The following SGCZ variants were observed in gnomAD, a reference collection of about 807,000 sequenced individuals.
SGCZ encodes sarcoglycan zeta, also known as zeta-sarcoglycan.
In SGCZ, 40 loss-of-function variants were observed where a neutral mutation model predicts 41.3. That is an observed-to-expected ratio of 0.97 (90% CI 0.75 to 1.26). The LOEUF is 1.26. Ranked by LOEUF, SGCZ falls within the 50% of genes most tolerant of loss-of-function variation. The pLI is 0.00. For missense variants in SGCZ, 552 were observed against 369.8 expected (o/e 1.49, Z -4.04); for synonymous variants, 206 against 137.5 (o/e 1.50, Z -3.49).
At chr8:14,974,111 A>G (rs1327199080) in intron 1 of SGCZ, among the ~76,000 whole-genome samples, 1 of 152,210 alleles carries the variant, frequency 6.6e-6, no homozygotes, top group Non-Finnish European at 1.5e-5. Context: ...GACACTGTGC[A>G]AAATCAGCTT....
chr8:14,818,601 A>C (rs1345932137), intron 1 of SGCZ, among the ~76,000 whole-genome samples: 1 of 152,190 alleles, frequency 6.6e-6, no homozygotes, highest in African/African-American at 2.4e-5. Context: ...GGACATTTAC[A>C]GAATATCTGA....
At position 14,458,102 on chromosome 8, in the gene SGCZ, A is replaced by G. The variant is rs181610957; in HGVS notation, c.234+96630T>C. Among the ~76,000 whole-genome samples, 4 of 152,324 alleles carry G rather than the reference A, an allele frequency of 2.6e-5. No individual in the cohort carries two copies. In the East Asian group the frequency reaches 7.7e-4, roughly 29 times the overall value. ...TTTCTTTCTAGCAATGTGAGAAAAGACTAGTACAATGTGTTTGTATAGTTA... is the reference window on the plus strand; with the variant it reads ...TTTCTTTCTAGCAATGTGAGAAAAGGCTAGTACAATGTGTTTGTATAGTTA... On this transcript the variant is annotated intron_variant, in intron 2 of 7. Transcript: ENST00000382080.
At chr8:14,270,588 A>G (rs1800024663) in intron 3 of SGCZ, among the ~76,000 whole-genome samples, 1 of 152,146 alleles carries the variant, frequency 6.6e-6, no homozygotes, top group Non-Finnish European at 1.5e-5. Context: ...TATATCTGGG[A>G]GCTATAACAG....
chr8:14,394,103 T>C (rs916780097), intron 2 of SGCZ, among the ~76,000 whole-genome samples: 2 of 151,548 alleles, frequency 1.3e-5, no homozygotes, highest in Admixed American at 6.6e-5. Context: ...ACTACTGCTG[T>C]GTCCTGAACT....
chr8:15,205,037 A>G (rs1432170412), intron 1 of SGCZ, among the ~76,000 whole-genome samples: 2 of 152,338 alleles, frequency 1.3e-5, no homozygotes, highest in African/African-American at 2.4e-5. Flanking sequence ...ATGAAAATTC[A>G]ATTCTAAAAA....
chr8:14,214,271 G>A (rs554860113), intron 4 of SGCZ, among the ~76,000 whole-genome samples: 1 of 152,166 alleles, frequency 6.6e-6, no homozygotes, highest in African/African-American at 2.4e-5. Context: ...AAACTGTCAA[G>A]GTCATCAAAA....
At chr8:14,568,500 G>T (rs1018940187) in intron 1 of SGCZ, among the ~76,000 whole-genome samples, 1 of 147,900 alleles carries the variant, frequency 6.8e-6, no homozygotes, top group Non-Finnish European at 1.5e-5. Flanking sequence ...GAGACTTTTG[G>T]AGGATTTATA....
At chr8:14,204,361 G>A (rs1276412704) in intron 4 of SGCZ, among the ~76,000 whole-genome samples, 1 of 151,214 alleles carries the variant, frequency 6.6e-6, no homozygotes, top group East Asian at 1.9e-4. Context: ...AACATGGAAT[G>A]CGACATTCTG....
chr8:14,903,109 T>A (rs1281228654), intron 1 of SGCZ, among the ~76,000 whole-genome samples: 1 of 152,106 alleles, frequency 6.6e-6, no homozygotes, highest in Non-Finnish European at 1.5e-5. Flanking sequence ...CTGGTTTCCT[T>A]ACAGTAAGTT....
At chr8:14,636,437 T>C (rs1461246710) in intron 1 of SGCZ, among the ~76,000 whole-genome samples, 4 of 151,892 alleles carry the variant, frequency 2.6e-5, no homozygotes, top group Non-Finnish European at 4.4e-5. Context: ...ATGAACTGAC[T>C]AGGAACTAAA....
At chr8:14,610,714 G>A (rs1274082382) in intron 1 of SGCZ, among the ~76,000 whole-genome samples, 2 of 152,098 alleles carry the variant, frequency 1.3e-5, no homozygotes, top group Non-Finnish European at 2.9e-5. Context: ...AAAAAAATAA[G>A]TTGCATCTGT....
At chr8:15,027,352 A>G (rs1803495692) in intron 1 of SGCZ, among the ~76,000 whole-genome samples, 1 of 151,726 alleles carries the variant, frequency 6.6e-6, no homozygotes, top group South Asian at 2.1e-4. Flanking sequence ...TACAGATGGG[A>G]AAGTTATTTC....
chr8:14,268,378 A>G (rs1799949351), intron 3 of SGCZ, among the ~76,000 whole-genome samples: 1 of 150,924 alleles, frequency 6.6e-6, no homozygotes, highest in Non-Finnish European at 1.5e-5. Flanking sequence ...TATTCTCTGC[A>G]GTGTCTTTAA....
Position 14,717,994 on chromosome 8 carries a change from A to AAGATATATATATAT in SGCZ, c.40-163082_40-163069dup, listed in dbSNP as rs559059261. 6.8e-3 allele frequency among the ~76,000 whole-genome samples: 607 copies of AAGATATATATATAT among 89,380 alleles called. 7 individuals carry two copies. The highest frequency in any genetic ancestry group is 0.035 in the African/African-American group (474 of 13,486). 58.6% of individuals were successfully genotyped at this position (89,380 alleles called of 152,430 possible). On this transcript the variant is annotated intron_variant, in intron 1 of 7. Transcript: ENST00000382080. ...CCTGGATAAATGTAAATTCTAAAAT[A>AAGATATATATATAT]AGATATATATATATATGTAATATGG...
chr8:14,853,574 T>C, intron 1 of SGCZ: 1 of 474,440 alleles, frequency 2.1e-6, no homozygotes, highest in Non-Finnish European at 4.5e-6. Context: ...ACAATACACA[T>C]TGCAGGTTAA....
chr8:14,968,981 TAGTC>T (rs1455743707), intron 1 of SGCZ, among the ~76,000 whole-genome samples: 6 of 152,188 alleles, frequency 3.9e-5, no homozygotes, highest in East Asian at 1.9e-4. Flanking sequence ...TTTCTTTACA[TAGTC>T]AGTATCAGCC....
intron 1 of SGCZ, among the ~76,000 whole-genome samples, chr8:14,784,206 G>A (rs1265326749): frequency 3.8e-5 from 5 of 130,848 alleles, no homozygotes; most frequent in African/African-American, 1.0e-4. Flanking sequence ...ACATGCCACC[G>A]AGCCTGGCTA....
At chr8:14,828,724 G>A (rs1802423987) in intron 1 of SGCZ, among the ~76,000 whole-genome samples, 1 of 152,166 alleles carries the variant, frequency 6.6e-6, no homozygotes, top group Non-Finnish European at 1.5e-5. Flanking sequence ...ACTTTCAGGA[G>A]TGCCAAAGAC....
chr8:14,199,435 G>A (rs986988285), intron 4 of SGCZ, among the ~76,000 whole-genome samples: 4 of 152,006 alleles, frequency 2.6e-5, no homozygotes, highest in Admixed American at 1.3e-4. Context: ...ATTTCGCCCT[G>A]GTCCTTTGGT....
Sources: gnomAD v4.1 joint callset for allele counts (sites outside exome capture counted in the v4.1 genomes callset) on GRCh38, gnomAD v4.1.1 for gene constraint, MANE v1.5 for transcripts, NCBI Gene and HGNC (gene_info 2026-07-23, HGNC 2026-07-21) for gene names.